The following DCAF12 variants were observed in gnomAD, a reference collection of about 807,000 sequenced individuals.
The protein encoded by DCAF12 is DDB1- and CUL4-associated factor 12.
DCAF12 carries 28 observed loss-of-function variants against 52.8 expected under a neutral mutation model. The observed-to-expected ratio is 0.53, with a 90% CI of 0.39 to 0.73. The LOEUF is 0.73. Among genes scored for constraint, DCAF12 ranks in the 30% least tolerant of loss-of-function variants. The pLI is 0.00. For missense variants in DCAF12, 425 were observed against 552.2 expected (o/e 0.77, Z 2.31); for synonymous variants, 196 against 215.5 (o/e 0.91, Z 0.79).
intron 1 of DCAF12, 105 bp from the exon 2 acceptor site, chr9:34,125,382 CA>C: frequency 7.9e-7 from 1 of 1,265,532 alleles, no homozygotes; most frequent in South Asian, 1.4e-5. Context: ...GCAGAATTTA[CA>C]AACAACACAA....
intron 3 of DCAF12, 62 bp downstream of exon 3, chr9:34,107,297 T>TTA: frequency 6.7e-7 from 1 of 1,502,842 alleles, no homozygotes; most frequent in Non-Finnish European, 9.3e-7. Flanking sequence ...GGGTCCATGT[T>TTA]AATCACTGAG....
chr9:34,118,289 A>G (rs1281048752), intron 2 of DCAF12, among the ~76,000 whole-genome samples: 2 of 152,088 alleles, frequency 1.3e-5, no homozygotes, highest in African/African-American at 4.8e-5. Flanking sequence ...ATGCGGCATC[A>G]TGCCCGGCTA....
chr9:34,096,603 C>A, intron 6 of DCAF12, 113 bp downstream of exon 6: 1 of 1,048,490 alleles, frequency 9.5e-7, no homozygotes, highest in Non-Finnish European at 1.4e-6. Context: ...GACTCTGCCT[C>A]AAAAATAAAT....
chr9:34,103,095 C>CAAA (rs34456166), intron 4 of DCAF12, among the ~76,000 whole-genome samples: 5 of 100,190 alleles, frequency 5.0e-5, no homozygotes, highest in Admixed American at 1.2e-4. Flanking sequence ...ACCTTAACTC[C>CAAA]AAAAAAAAAA....
At chr9:34,109,818 C>G (rs1029859862) in intron 2 of DCAF12, 1 of 343,696 alleles carries the variant, frequency 2.9e-6, no homozygotes, top group South Asian at 2.8e-5. Context: ...TGGGTGTGGG[C>G]AGCTTTAGGG....
chr9:34,121,302 A>T (rs1829170828), intron 2 of DCAF12, among the ~76,000 whole-genome samples: 1 of 152,194 alleles, frequency 6.6e-6, no homozygotes, highest in African/African-American at 2.4e-5. Context: ...TAAGATACCC[A>T]AACATAGAAT....
intron 1 of DCAF12, among the ~76,000 whole-genome samples, 163 bp downstream of exon 1, chr9:34,126,191 A>C (rs1272814595): frequency 6.6e-6 from 1 of 152,238 alleles, no homozygotes; most frequent in Admixed American, 6.5e-5. Context: ...TCTGCCCTCC[A>C]GTTAACGAGG....
Position 34,098,331 on chromosome 9 carries a change from T to C in DCAF12, c.788A>G (p.Lys263Arg), listed in dbSNP as rs1190899796. ...CCCTACACAAGTTCATACCTTGTTC[T>C]TGTTGTTGAAGGCCAGAGCCCGAAC... ...CKVRALAFNN[K>R]NKELGAVSLD... is the part of the protein sequence containing the mutation. Residue 263 changes from lysine to arginine, a missense_variant, in exon 5 of 9, where the codon AAG (lysine) becomes AGG (arginine). By Grantham distance (26) the Lys-to-Arg change is conservative (BLOSUM62 2). Transcript: ENST00000361264. 8.1e-6 allele frequency: 13 copies of C among 1,613,856 alleles called. No homozygotes were observed. Among genetic ancestry groups the C allele is most frequent in the Non-Finnish European group, 1.1e-5 (13 of 1,179,952 alleles).
intron 2 of DCAF12, among the ~76,000 whole-genome samples, chr9:34,111,678 A>G (rs766461281): frequency 2.0e-5 from 3 of 152,196 alleles, no homozygotes; most frequent in Non-Finnish European, 4.4e-5. Context: ...CCCTGATCAC[A>G]GCACAGTCTA....
rs997672690 is a variant in DCAF12, at chr9:34,126,683, G to T, written c.-252C>A. 1.1e-5 allele frequency: 6 copies of T among 564,516 alleles called. No individual in the cohort carries two copies. In the Admixed American group the frequency reaches 1.3e-4, roughly 13 times the overall value. The allele number at this position is 564,516 out of a possible 1,614,324, so 35.0% of individuals were successfully genotyped here. A position where few individuals can be genotyped will look rare whatever the true frequency, so the allele number is the denominator to read the frequency against. On this transcript the variant is annotated 5_prime_UTR_variant, in exon 1 of 9. Coordinates refer to ENST00000361264, the MANE Select transcript of DCAF12 (RefSeq NM_015397.4). ...TTCCGACGGCAGAGCCTGCAAGGAC[G>T]GCGAGCGGCTAGAACCAAAACACCC...
In DCAF12 at chr9:34,094,692, G is replaced by A. The variant is rs760341050; in HGVS notation, c.862-1244C>T. ...ACTACAAGCGCCCACCACCACGCCC[G>A]GCTAATTTTTTGTATTTTTAGTAGA... On this transcript the variant is annotated intron_variant, in intron 6 of 8. Coordinates refer to ENST00000361264, the MANE Select transcript of DCAF12 (RefSeq NM_015397.4). Among the ~76,000 whole-genome samples, 6 of 151,106 alleles carry A rather than the reference G, an allele frequency of 4.0e-5. No individual in the cohort carries two copies. In the East Asian group the frequency reaches 6.0e-4, roughly 15 times the overall value.
intron 2 of DCAF12, among the ~76,000 whole-genome samples, chr9:34,117,712 C>T (rs10971934): frequency 0.15 from 22,480 of 152,042 alleles, 1,813 homozygotes; most frequent in South Asian, 0.32. Context: ...GTTGGGATTT[C>T]GAGACCAGCC....
Position 34,107,957 on chromosome 9 carries a change from G to A in DCAF12, c.334-392C>T, listed in dbSNP as rs1021932228. On this transcript the variant is annotated intron_variant, in intron 2 of 8. Transcript: ENST00000361264. The stretch of plus-strand genomic sequence containing the variant: ...ACACCATGCACAGAAACTTTTAAAC[G>A]AAACACAATTCCCAGAACACATCAT... Among the ~76,000 whole-genome samples the A allele has an allele frequency of 3.3e-5, 5 of 152,130 alleles. 1 individual carries two copies. Among genetic ancestry groups the A allele is most frequent in the South Asian group, 4.1e-4 (2 of 4,824 alleles).
At chr9:34,098,194 CT>C in intron 5 of DCAF12, 129 bp downstream of exon 5, 8 of 960,030 alleles carry the variant, frequency 8.3e-6, no homozygotes, top group Non-Finnish European at 1.2e-5. Context: ...ATCACTCAGC[CT>C]TTAAGAGGTG....
intron 2 of DCAF12, among the ~76,000 whole-genome samples, chr9:34,117,664 C>T (rs1263961182): frequency 1.3e-5 from 2 of 152,048 alleles, no homozygotes; most frequent in Non-Finnish European, 2.9e-5. Flanking sequence ...CCTGTAATCC[C>T]AGCACTTTGG....
At chr9:34,117,004 G>A (rs1055101717) in intron 2 of DCAF12, among the ~76,000 whole-genome samples, 3 of 152,166 alleles carry the variant, frequency 2.0e-5, no homozygotes, top group Non-Finnish European at 4.4e-5. Context: ...ATCAGTCCAC[G>A]TGTCTGCGCT....
chr9:34,096,839 A>G, intron 5 of DCAF12, 58 bp from the exon 6 acceptor site: 1 of 1,517,688 alleles, frequency 6.6e-7, no homozygotes, highest in Non-Finnish European at 9.1e-7. Flanking sequence ...ATGTACGATA[A>G]TAAGCAGGCG....
chr9:34,092,746 C>T (rs992055254), intron 7 of DCAF12, among the ~76,000 whole-genome samples: 2 of 152,018 alleles, frequency 1.3e-5, no homozygotes, highest in African/African-American at 2.4e-5. Flanking sequence ...ATGGAAACTA[C>T]TAACTAATAT....
At chr9:34,093,543 A>G in intron 6 of DCAF12, 95 bp from the exon 7 acceptor site, 1 of 1,356,316 alleles carries the variant, frequency 7.4e-7, no homozygotes, top group Non-Finnish European at 1.0e-6. Context: ...CTTCCCTCAT[A>G]TAAAAGCCAC....
Sources: gnomAD v4.1 joint callset for allele counts (sites outside exome capture counted in the v4.1 genomes callset) on GRCh38, gnomAD v4.1.1 for gene constraint, MANE v1.5 for transcripts, NCBI Gene and HGNC (gene_info 2026-07-23, HGNC 2026-07-21) for gene names.